The following ADGRL3 variants were observed in gnomAD, a reference collection of about 807,000 sequenced individuals.
ADGRL3 encodes the protein adhesion G protein-coupled receptor L3.
ADGRL3 carries 62 observed loss-of-function variants against 153.5 expected under a neutral mutation model. The observed-to-expected ratio is 0.40, with a 90% CI of 0.33 to 0.50. The LOEUF (loss-of-function observed/expected upper bound fraction) is 0.50. ADGRL3 is among the 20% of genes least tolerant of loss of function. ADGRL3 has a pLI of 0.47. For missense variants in ADGRL3, 1,641 were observed against 1,859.4 expected, an observed-to-expected ratio of 0.88 and a Z score of 2.16; for synonymous variants, 710 against 672.5, an observed-to-expected ratio of 1.06 and a Z score of -0.86.
intron 5 of ADGRL3, among the ~76,000 whole-genome samples, chr4:61,619,792 T>C (rs559798063): frequency 1.2e-4 from 19 of 152,310 alleles, no homozygotes; most frequent in Non-Finnish European, 2.4e-4. Flanking sequence ...ATCTCATGTT[T>C]TTCTTTCTTT....
At chr4:61,860,253 T>C (rs1040479832) in intron 9 of ADGRL3, among the ~76,000 whole-genome samples, 1 of 152,108 alleles carries the variant, frequency 6.6e-6, no homozygotes, top group Non-Finnish European at 1.5e-5. Context: ...TGGTTCTTTC[T>C]CTGCAACCAA....
Position 62,037,799 on chromosome 4 carries a change from T to C in ADGRL3, c.3660T>C (p.Ile1220=). The C allele has an allele frequency of 6.2e-7, 1 of 1,613,730 alleles. No homozygotes were observed. The highest frequency in any genetic ancestry group is 8.5e-7 in the Non-Finnish European group (1 of 1,179,736). The part of the protein sequence containing the change: ...CCSGKSTESS[I]GSGKTSGSRT... ...GTGGCAAAAGTACAGAGAGTTCCAT[T>C]GGTTCAGGGAAAACATCTGGTTCTC... The change falls in exon 24 of 27, where the codon ATT becomes ATC. Residue 1220 remains isoleucine, a synonymous_variant. Coordinates refer to ENST00000683033, the MANE Select transcript of ADGRL3 (RefSeq NM_001387552.1).
At chr4:61,402,574 T>C (rs1411091953) in intron 2 of ADGRL3, among the ~76,000 whole-genome samples, 2 of 152,070 alleles carry the variant, frequency 1.3e-5, no homozygotes, top group East Asian at 1.9e-4. Flanking sequence ...ACAACACTTA[T>C]AGTGTGGAAT....
intron 5 of ADGRL3, among the ~76,000 whole-genome samples, chr4:61,602,678 T>C (rs148968094): frequency 6.6e-5 from 10 of 152,126 alleles, no homozygotes; most frequent in Non-Finnish European, 1.3e-4. Context: ...AGTCTGCAGG[T>C]TCTTGACAGA....
intron 8 of ADGRL3, among the ~76,000 whole-genome samples, chr4:61,791,857 C>T (rs2097346062): frequency 6.6e-6 from 1 of 152,214 alleles, no homozygotes; most frequent in African/African-American, 2.4e-5. Context: ...ATGGCCTGAG[C>T]TGTACATTGG....
chr4:62,004,232 A>G (rs1310470678), intron 21 of ADGRL3, among the ~76,000 whole-genome samples: 1 of 152,054 alleles, frequency 6.6e-6, no homozygotes, highest in Non-Finnish European at 1.5e-5. Flanking sequence ...TAATGTATAT[A>G]CTTATGAAAA....
chr4:61,588,579 T>A (rs1018719403), intron 5 of ADGRL3, among the ~76,000 whole-genome samples: 3 of 151,990 alleles, frequency 2.0e-5, no homozygotes, highest in African/African-American at 7.2e-5. Context: ...CTTTTATTTG[T>A]CTATTACTAA....
chr4:61,906,715 CTTT>C lies in ADGRL3; in HGVS notation c.1888-2833_1888-2831del, dbSNP rs397972603. On this transcript the variant is annotated intron_variant, in intron 11 of 26. Transcript: ENST00000683033. Reference sequence around the variant, plus strand: ...CTTGACACCACTTAATGATATTAAACTTTTTTTTTTTTTTACTTTTTGAGTTAG... The same window carrying C: ...CTTGACACCACTTAATGATATTAAACTTTTTTTTTTTACTTTTTGAGTTAG... Among the ~76,000 whole-genome samples, 9 of 143,576 alleles carry C rather than the reference CTTT, an allele frequency of 6.3e-5. No individual in the cohort carries two copies. The East Asian group carries it at 1.8e-3, about 29-fold the overall frequency. 94.2% of individuals were successfully genotyped at this position (143,576 alleles called of 152,430 possible).
At chr4:61,600,666 G>T (rs1438759365) in intron 5 of ADGRL3, among the ~76,000 whole-genome samples, 1 of 152,158 alleles carries the variant, frequency 6.6e-6, no homozygotes, top group Non-Finnish European at 1.5e-5. Flanking sequence ...ATCGTGACTA[G>T]AGATCAACGT....
At chr4:61,925,546 T>C (rs1477224819) in intron 13 of ADGRL3, among the ~76,000 whole-genome samples, 1 of 152,164 alleles carries the variant, frequency 6.6e-6, no homozygotes, top group Non-Finnish European at 1.5e-5. Context: ...TGGCATCTGC[T>C]TAGCTTCTGG....
intron 4 of ADGRL3, among the ~76,000 whole-genome samples, chr4:61,540,506 C>A (rs2148620502): frequency 6.6e-6 from 1 of 151,884 alleles, no homozygotes; most frequent in South Asian, 2.1e-4. Context: ...CAAGATTTTG[C>A]CACCGCACTC....
chr4:61,977,205 T>C (rs931557001), intron 17 of ADGRL3, among the ~76,000 whole-genome samples: 1 of 151,726 alleles, frequency 6.6e-6, no homozygotes, highest in African/African-American at 2.4e-5. Context: ...TTTCTTTTCT[T>C]TTTTTCTTGT....
chr4:61,634,210 T>G (rs1213673775), intron 5 of ADGRL3, among the ~76,000 whole-genome samples: 1 of 152,182 alleles, frequency 6.6e-6, no homozygotes, highest in Non-Finnish European at 1.5e-5. Flanking sequence ...ATGCCAATTG[T>G]AAATCACCCC....
chr4:61,440,172 C>T (rs894175797), intron 2 of ADGRL3, among the ~76,000 whole-genome samples: 3 of 152,064 alleles, frequency 2.0e-5, no homozygotes, highest in Admixed American at 2.0e-4. Flanking sequence ...TCTCAGCCCC[C>T]TGAGTAGCTG....
intron 1 of ADGRL3, among the ~76,000 whole-genome samples, chr4:61,321,207 G>C (rs571243841): frequency 6.6e-6 from 1 of 152,176 alleles, no homozygotes; most frequent in Non-Finnish European, 1.5e-5. Flanking sequence ...GGCATCTTTG[G>C]TGGGCCATTC....
chr4:61,938,323 G>T lies in ADGRL3; in HGVS notation c.2419+2278G>T, dbSNP rs560483928. Among the ~76,000 whole-genome samples, 4 of 152,212 alleles carry T rather than the reference G, an allele frequency of 2.6e-5. No individual in the cohort carries two copies. The South Asian group carries it at 8.3e-4, about 32-fold the overall frequency. ...TTTTAATATCAAATCTAGAGGGAAA[G>T]AACAAAATTAAATTATGTTATAACA... On this transcript the variant is annotated intron_variant, in intron 15 of 26. Coordinates refer to ENST00000683033, the MANE Select transcript of ADGRL3 (RefSeq NM_001387552.1).
chr4:61,988,612 T>C (rs1252359134), intron 19 of ADGRL3, among the ~76,000 whole-genome samples: 1 of 152,162 alleles, frequency 6.6e-6, no homozygotes, highest in Non-Finnish European at 1.5e-5. Context: ...ACTTTAATTA[T>C]TCCAATATTA....
chr4:61,465,293 A>G (rs2097865406), intron 2 of ADGRL3, among the ~76,000 whole-genome samples: 2 of 152,262 alleles, frequency 1.3e-5, no homozygotes, highest in South Asian at 4.1e-4. Context: ...ATATTTTGCC[A>G]TATTAAAGTT....
intron 8 of ADGRL3, among the ~76,000 whole-genome samples, chr4:61,805,058 C>G (rs754057126): frequency 6.6e-6 from 1 of 151,750 alleles, no homozygotes; most frequent in Non-Finnish European, 1.5e-5. Flanking sequence ...CGGATTCAAG[C>G]GATTCTCCTG....
Sources: gnomAD v4.1 joint callset for allele counts (sites outside exome capture counted in the v4.1 genomes callset) on GRCh38, gnomAD v4.1.1 for gene constraint, MANE v1.5 for transcripts, NCBI Gene and HGNC (gene_info 2026-07-23, HGNC 2026-07-21) for gene names.